The following ERBB3 variants were observed in gnomAD, a reference collection of about 807,000 sequenced individuals.
ERBB3 encodes erb-b2 receptor tyrosine kinase 3.
ERBB3 carries 96 observed loss-of-function variants against 156.7 expected under a neutral mutation model. The ratio of observed to expected loss-of-function variants is 0.61; its 90% CI spans 0.52 to 0.73. The LOEUF (loss-of-function observed/expected upper bound fraction) is 0.73. Ranked by LOEUF, ERBB3 falls within the 30% of genes least tolerant of loss-of-function variation. The pLI, the probability that ERBB3 is intolerant of heterozygous loss-of-function variation, is 0.00. For synonymous variants in ERBB3, 567 were observed against 632.0 expected, an observed-to-expected ratio of 0.90 and a Z score of 1.54; for missense variants, 1,406 against 1,709.4, an observed-to-expected ratio of 0.82 and a Z score of 3.13.
At chr12:56,099,031 T>C (rs1868995051) in intron 23 of ERBB3, 126 bp downstream of exon 23, 1 of 890,340 alleles carries the variant, frequency 1.1e-6, no homozygotes, top group African/African-American at 1.7e-5. Flanking sequence ...CAATCTTGGC[T>C]CACTACAACC....
chr12:56,080,407 G>C, intron 1 of ERBB3, 25 bp downstream of exon 1: 1 of 1,558,728 alleles, frequency 6.4e-7, no homozygotes, highest in South Asian at 1.2e-5. Flanking sequence ...AGCACCGGCG[G>C]GCTCGGCACC....
chr12:56,088,986 C>T (rs756770310), intron 9 of ERBB3, 118 bp downstream of exon 9: 23 of 1,396,500 alleles, frequency 1.6e-5, no homozygotes, highest in African/African-American at 2.8e-5. Flanking sequence ...AAAATTCTAG[C>T]CTGTTACAAA....
chr12:56,097,294 G>T (rs1868921357), intron 20 of ERBB3, 64 bp downstream of exon 20: 2 of 1,537,356 alleles, frequency 1.3e-6, no homozygotes, highest in African/African-American at 2.7e-5. Context: ...CCAGGAAAAA[G>T]TGAGAAGGTT....
chr12:56,098,339 G>A, intron 21 of ERBB3, 161 bp from the exon 22 acceptor site: 3 of 650,664 alleles, frequency 4.6e-6, no homozygotes, highest in Middle Eastern at 4.1e-4. Flanking sequence ...GTGAACCCAG[G>A]AGGCGGAGCT....
intron 16 of ERBB3, 155 bp from the exon 17 acceptor site, chr12:56,095,510 C>T: frequency 1.0e-6 from 1 of 994,122 alleles, no homozygotes; most frequent in Non-Finnish European, 1.6e-6. Context: ...TAAGACTGGT[C>T]CAGATTTAGG....
intron 17 of ERBB3, chr12:56,096,197 G>A: frequency 1.9e-6 from 1 of 523,880 alleles, no homozygotes; most frequent in South Asian, 2.0e-5. Flanking sequence ...ACAGAGCACT[G>A]TATAAAAGGT....
intron 22 of ERBB3, 30 bp downstream of exon 22, chr12:56,098,605 T>C (rs773250703): frequency 1.3e-6 from 2 of 1,599,788 alleles, no homozygotes; most frequent in Admixed American, 3.3e-5. Context: ...CTCTCTACCA[T>C]CACTGGCCCC....
chr12:56,083,719 C>G, intron 1 of ERBB3, 32 bp from the exon 2 acceptor site: 1 of 1,613,490 alleles, frequency 6.2e-7, no homozygotes, highest in Non-Finnish European at 8.5e-7. Flanking sequence ...TTGTGTCCAG[C>G]CCTCAGCCAC....
At position 56,087,792 on chromosome 12, in the gene ERBB3, T is replaced by C. The variant is rs778249980; in HGVS notation, c.614-3T>C. 1.2e-6 allele frequency: 2 copies of C among 1,612,890 alleles called. No homozygotes were observed. The highest frequency in any genetic ancestry group is 1.3e-5 in the African/African-American group (1 of 74,996). On this transcript the variant is annotated splice_region_variant and splice_polypyrimidine_tract_variant and intron_variant, in intron 5 of 27. Transcript: ENST00000267101. ...AACAGCCATGCTTTCTCTCCTTCCATAGTGACCAAGACCATCTGTGCTCCT... is the reference window on the plus strand; with the variant it reads ...AACAGCCATGCTTTCTCTCCTTCCACAGTGACCAAGACCATCTGTGCTCCT...
chr12:56,089,283 AATTTTTTTGT>A (rs1868589739), intron 9 of ERBB3, among the ~76,000 whole-genome samples: 2 of 151,810 alleles, frequency 1.3e-5, no homozygotes, highest in South Asian at 2.1e-4. Flanking sequence ...ATACTTGACT[AATTTTTTTGT>A]ATTTTTTTGT....
intron 4 of ERBB3, 141 bp from the exon 5 acceptor site, chr12:56,087,436 C>T (rs909229995): frequency 8.8e-6 from 7 of 791,526 alleles, no homozygotes; most frequent in Non-Finnish European, 1.6e-5. Flanking sequence ...CAGCCCTGCT[C>T]TCCAAGGGCA....
At position 56,094,471 on chromosome 12, in the gene ERBB3, G is replaced by A. The variant is rs775624369; in HGVS notation, c.1774G>A (p.Gly592Arg). 3 of 1,614,040 alleles carry A rather than the reference G, an allele frequency of 1.9e-6. No individual in the cohort carries two copies. Among genetic ancestry groups the A allele is most frequent in the Admixed American group, 1.7e-5 (1 of 60,008 alleles). The change falls in exon 15 of 28, where the codon GGA becomes AGA. Residue 592 changes from glycine to arginine, a missense_variant. By Grantham distance (125) the Gly-to-Arg change is moderately radical (BLOSUM62 -2). Coordinates refer to ENST00000267101, the MANE Select transcript of ERBB3 (RefSeq NM_001982.4). The stretch of plus-strand genomic sequence containing the variant: ...CCACTGTGTGAGCAGCTGCCCCCAT[G>A]GAGTCCTAGGTGCCAAGGGCCCAAT... Reference protein sequence around the residue: ...GPHCVSSCPHGVLGAKGPIYK... With the variant: ...GPHCVSSCPHRVLGAKGPIYK...
chr12:56,084,141 T>C (rs1240473504), intron 2 of ERBB3, among the ~76,000 whole-genome samples: 1 of 152,052 alleles, frequency 6.6e-6, no homozygotes. Flanking sequence ...CTGTGGATAG[T>C]GCAAGGTCAG....
intron 1 of ERBB3, among the ~76,000 whole-genome samples, chr12:56,082,267 C>A (rs76015240): frequency 6.6e-6 from 1 of 152,128 alleles, no homozygotes; most frequent in Non-Finnish European, 1.5e-5. Flanking sequence ...CTTCCCTGTG[C>A]AGAAAGCTTG....
At chr12:56,086,094 A>G (rs757361091) in intron 3 of ERBB3, among the ~76,000 whole-genome samples, 17 of 149,242 alleles carry the variant, frequency 1.1e-4, no homozygotes, top group Non-Finnish European at 1.9e-4. Flanking sequence ...AAACCAAAGT[A>G]CAGTATACCT....
intron 2 of ERBB3, 70 bp downstream of exon 2, chr12:56,083,972 C>A: frequency 6.8e-7 from 1 of 1,468,134 alleles, no homozygotes; most frequent in Non-Finnish European, 9.5e-7. Context: ...CTTCCTTCTT[C>A]AGGGCTACCT....
In ERBB3 at chr12:56,094,704, C is replaced by T. The variant is rs906943351; in HGVS notation, c.1859+148C>T. The T allele has an allele frequency of 5.2e-6, 5 of 969,894 alleles. No individual in the cohort carries two copies. The African/African-American group carries it at 8.1e-5, about 16-fold the overall frequency. 60.1% of individuals were successfully genotyped at this position (969,894 alleles called of 1,614,324 possible). ...CAGTGGCTCACACCTGTAATCCCAG[C>T]ACTGTGGGAGGCCGAGGTGGGTGGA... is the stretch of plus-strand genomic sequence containing the variant. On this transcript the variant is annotated intron_variant, in intron 15 of 27. Transcript: ENST00000267101.
Position 56,093,468 on chromosome 12 carries a change from C to T in ERBB3, c.1398C>T (p.His466=). ...ISANRQLCYH[H]SLNWTKVLRG... is the part of the protein sequence containing the mutation. Reference sequence around the variant, plus strand: ...CCAATAGGCAGCTCTGCTACCACCACTCTTTGAACTGGACCAAGGTGCTTC... The same window carrying T: ...CCAATAGGCAGCTCTGCTACCACCATTCTTTGAACTGGACCAAGGTGCTTC... The change falls in exon 12 of 28, where the codon CAC becomes CAT. Residue 466 remains histidine (H), a synonymous_variant. Transcript: ENST00000267101. The T allele has an allele frequency of 6.2e-7, 1 of 1,614,026 alleles. No individual in the cohort carries two copies. The highest frequency in any genetic ancestry group is 8.5e-7 in the Non-Finnish European group (1 of 1,180,000).
Position 56,101,931 on chromosome 12 carries a change from C to T in ERBB3, c.3905C>T (p.Ala1302Val), listed in dbSNP as rs962895742. The change falls in exon 28 of 28, where the codon GCC becomes GTC. Residue 1302 changes from alanine (A) to valine (V), a missense_variant. Around this residue, in one of 3 missense-constraint regions of ERBB3, gnomAD observed 415 missense variants for 454.1 expected, o/e 0.91. Coordinates refer to ENST00000267101, the MANE Select transcript of ERBB3 (RefSeq NM_001982.4). Reference sequence around the variant, plus strand: ...GCTTTTCAGGGGCCTGGACATCAGGCCCCCCATGTCCATTATGCCCGCCTA... The same window carrying T: ...GCTTTTCAGGGGCCTGGACATCAGGTCCCCCATGTCCATTATGCCCGCCTA... ...MRAFQGPGHQ[A>V]PHVHYARLKT... 2 of 1,612,856 alleles carry T rather than the reference C, an allele frequency of 1.2e-6. No individual in the cohort carries two copies. The highest frequency in any genetic ancestry group is 1.3e-5 in the African/African-American group (1 of 74,636).
Sources: gnomAD v4.1 joint callset for allele counts (sites outside exome capture counted in the v4.1 genomes callset) on GRCh38, gnomAD v4.1.1 for gene constraint, gnomAD v4.1.1 regional missense constraint, MANE v1.5 for transcripts, NCBI Gene and HGNC (gene_info 2026-07-23, HGNC 2026-07-21) for gene names.